DPP6: variants seen among roughly 807,000 people sequenced by gnomAD.
DPP6 encodes A-type potassium channel modulatory protein DPP6.
Under a neutral mutation model 122.6 loss-of-function variants are expected in DPP6, and 69 were observed. The observed-to-expected ratio is 0.56, with a 90% confidence interval of 0.46 to 0.69. DPP6 has a LOEUF of 0.69. DPP6 is among the 30% of genes least tolerant of loss of function. The pLI is 0.00. For synonymous variants in DPP6, 418 were observed against 433.1 expected, an observed-to-expected ratio of 0.97 and a Z score of 0.43; for missense variants, 928 against 1,116.9, an observed-to-expected ratio of 0.83 and a Z score of 2.41.
At chr7:154,603,531 TA>T (rs1833486267) in intron 5 of DPP6, among the ~76,000 whole-genome samples, 1 of 113,398 alleles carries the variant, frequency 8.8e-6, no homozygotes, top group Non-Finnish European at 2.0e-5. Flanking sequence ...TTAGCCGAGC[TA>T]ATAATCCCAG....
chr7:153,764,114 A>G, the DPP6 span, among the ~76,000 whole-genome samples: 3 of 152,206 alleles, frequency 2.0e-5, no homozygotes, highest in East Asian at 1.9e-4. Context: ...GCTCTTTTGC[A>G]TCACAAATAG....
chr7:154,363,941 A>C (rs1293647551), intron 1 of DPP6, among the ~76,000 whole-genome samples: 1 of 152,156 alleles, frequency 6.6e-6, no homozygotes, highest in Non-Finnish European at 1.5e-5. Flanking sequence ...TGTCTTCAAA[A>C]AACAAAAACA....
intron 1 of DPP6, among the ~76,000 whole-genome samples, chr7:154,371,008 G>T (rs1044784161): frequency 6.6e-6 from 1 of 152,144 alleles, no homozygotes; most frequent in Admixed American, 6.5e-5. Flanking sequence ...CCCTCTGTTT[G>T]ATTCAAAGGT....
chr7:154,117,129 G>A (rs560906123), intron 1 of DPP6, among the ~76,000 whole-genome samples: 2 of 151,684 alleles, frequency 1.3e-5, no homozygotes, highest in East Asian at 3.9e-4. Flanking sequence ...TATTTCCCAA[G>A]CATTTCATTT....
the DPP6 span, among the ~76,000 whole-genome samples, chr7:153,764,574 C>G: frequency 2.6e-5 from 4 of 152,062 alleles, no homozygotes; most frequent in Admixed American, 6.6e-5. Context: ...GACAAATACA[C>G]AAAGCCGCAC....
chr7:153,899,076 C>T (rs1052928749), intron 1 of DPP6, among the ~76,000 whole-genome samples: 1 of 152,114 alleles, frequency 6.6e-6, no homozygotes, highest in Non-Finnish European at 1.5e-5. Flanking sequence ...CAAATGCCCT[C>T]CTGTAGCTGC....
At chr7:153,858,900 TGTG>T in the DPP6 span, among the ~76,000 whole-genome samples, 1 of 152,166 alleles carries the variant, frequency 6.6e-6, no homozygotes, top group African/African-American at 2.4e-5. Context: ...GACAGTTTAT[TGTG>T]GTGTGTGGGG....
At chr7:154,592,908 A>G (rs1219380662) in intron 5 of DPP6, among the ~76,000 whole-genome samples, 1 of 152,184 alleles carries the variant, frequency 6.6e-6, no homozygotes, top group African/African-American at 2.4e-5. Context: ...AGGAGGGGGA[A>G]CACAACTAAT....
intron 2 of DPP6, among the ~76,000 whole-genome samples, chr7:154,472,838 T>C (rs1283708848): frequency 6.6e-6 from 1 of 152,212 alleles, no homozygotes; most frequent in Non-Finnish European, 1.5e-5. Context: ...GCATATATCA[T>C]AATGCCTCCA....
the DPP6 span, among the ~76,000 whole-genome samples, chr7:153,843,255 TAC>T: frequency 6.9e-6 from 1 of 144,670 alleles, no homozygotes; most frequent in South Asian, 2.3e-4. Context: ...TACATGTGCA[TAC>T]AGACACACAC....
intron 5 of DPP6, chr7:154,588,323 C>A: frequency 1.6e-6 from 1 of 613,842 alleles, no homozygotes; most frequent in Non-Finnish European, 2.6e-6. Context: ...AGGAGACTGG[C>A]TCTCCTGGAT....
chr7:154,757,972 CCCGCCCTCTCCCCG>C lies in DPP6; in HGVS notation c.884-11432_884-11419del, dbSNP rs1233459100. ...CCCAACCAAGTGCCGCGCTCTCCCC[CCCGCCCTCTCCCCG>C]CCGCCCTCTCCCGCCACGCACGGCC... On this transcript the variant is annotated intron_variant, in intron 8 of 25. Transcript: ENST00000377770. Among the ~76,000 whole-genome samples the C allele has an allele frequency of 5.3e-5, 8 of 152,040 alleles. No individual in the cohort carries two copies. The South Asian group carries it at 6.2e-4, about 12-fold the overall frequency.
chr7:154,147,886 G>C (rs868830188), intron 1 of DPP6, among the ~76,000 whole-genome samples: 3,986 of 141,808 alleles, frequency 0.028, no homozygotes, highest in African/African-American at 0.11. Flanking sequence ...ACATGAAATA[G>C]TTTTGATGTT....
At chr7:153,926,679 C>T (rs1218290455) in intron 1 of DPP6, among the ~76,000 whole-genome samples, 1 of 152,008 alleles carries the variant, frequency 6.6e-6, no homozygotes, top group Non-Finnish European at 1.5e-5. Context: ...GTCTTTGTAA[C>T]AAAAACTGGT....
At chr7:154,820,109 G>A (rs904036560) in intron 16 of DPP6, among the ~76,000 whole-genome samples, 22 of 152,332 alleles carry the variant, frequency 1.4e-4, no homozygotes, top group African/African-American at 2.2e-4. Flanking sequence ...CCGCATTCAC[G>A]GAGGGAGTGG....
At chr7:154,036,992 C>T (rs2533778) in intron 1 of DPP6, among the ~76,000 whole-genome samples, 78 of 152,270 alleles carry the variant, frequency 5.1e-4, no homozygotes, top group African/African-American at 1.7e-3. Context: ...TTAAGAAATC[C>T]ATTTGTGAAT....
At chr7:154,375,588 G>A (rs180696177) in intron 1 of DPP6, among the ~76,000 whole-genome samples, 38 of 152,192 alleles carry the variant, frequency 2.5e-4, no homozygotes, top group South Asian at 8.3e-4. Context: ...AGGAAGAGAC[G>A]CCAGTGCTTT....
intron 3 of DPP6, among the ~76,000 whole-genome samples, chr7:154,477,819 C>T (rs150358746): frequency 1.8e-3 from 272 of 152,322 alleles, no homozygotes; most frequent in African/African-American, 6.1e-3. Flanking sequence ...ACCTGCAGTT[C>T]TAAATGGACC....
chr7:153,873,506 A>C, the DPP6 span, among the ~76,000 whole-genome samples: 2 of 152,238 alleles, frequency 1.3e-5, no homozygotes, highest in Non-Finnish European at 1.5e-5. Context: ...TTTAAAAAAA[A>C]TTCTAACCGT....
Sources: allele counts gnomAD v4.1 joint callset (sites outside exome capture counted in the v4.1 genomes callset), GRCh38; gene constraint gnomAD v4.1.1; transcripts MANE v1.5; gene names NCBI Gene and HGNC (gene_info 2026-07-23, HGNC 2026-07-21).